The following CNST variants were observed in gnomAD, a reference collection of about 807,000 sequenced individuals.
CNST encodes the protein consortin.
Under a neutral mutation model 72.4 loss-of-function variants are expected in CNST, and 39 were observed. The ratio of observed to expected loss-of-function variants is 0.54; its 90% CI spans 0.42 to 0.70. CNST has a LOEUF of 0.70. Among genes scored for constraint, CNST ranks in the 30% least tolerant of loss-of-function variants. The pLI is 0.00. For synonymous variants in CNST, 332 were observed against 320.1 expected (o/e 1.04, Z -0.40); for missense variants, 871 against 868.5 (o/e 1.00, Z -0.04).
intron 6 of CNST, among the ~76,000 whole-genome samples, chr1:246,641,482 C>CT (rs1015164865): frequency 6.6e-6 from 1 of 152,100 alleles, no homozygotes; most frequent in African/African-American, 2.4e-5. Context: ...TGTCATTCTT[C>CT]TTTTTTTCTT....
intron 2 of CNST, chr1:246,607,690 C>T (rs1662977067): frequency 6.6e-6 from 1 of 152,074 alleles, no homozygotes. Flanking sequence ...TGTCTTCCGG[C>T]CAGCCCTCTT....
In CNST at chr1:246,624,451, G is replaced by T. The variant is rs532151772; in HGVS notation, c.585+2817G>T. 2.0e-4 allele frequency among the ~76,000 whole-genome samples: 30 copies of T among 152,310 alleles called. No homozygotes were observed. The South Asian group carries it at 6.2e-3, about 32-fold the overall frequency. ...TAAAAGCACTTAACATATGTTTGAC[G>T]TACAGTAAAAGCCAAAGAAATATTA... On this transcript the variant is annotated intron_variant, in intron 3 of 10. Coordinates refer to ENST00000366513, the MANE Select transcript of CNST (RefSeq NM_152609.3).
chr1:246,615,016 T>G (rs1176294270), intron 2 of CNST, among the ~76,000 whole-genome samples: 1 of 152,188 alleles, frequency 6.6e-6, no homozygotes, highest in Admixed American at 6.5e-5. Context: ...ACTATATTGT[T>G]TCACAAAATG....
At chr1:246,623,862 G>A (rs1232261199) in intron 3 of CNST, among the ~76,000 whole-genome samples, 1 of 144,058 alleles carries the variant, frequency 6.9e-6, no homozygotes, top group Non-Finnish European at 1.5e-5. Flanking sequence ...AGGAGTTCAA[G>A]TCTAGCCTAG....
intron 1 of CNST, among the ~76,000 whole-genome samples, chr1:246,567,479 A>C (rs577594836): frequency 6.6e-6 from 1 of 152,294 alleles, no homozygotes; most frequent in Non-Finnish European, 1.5e-5. Flanking sequence ...ACGGCAGCCA[A>C]TCAACTCCGT....
chr1:246,616,606 G>A (rs913769896), intron 2 of CNST, among the ~76,000 whole-genome samples: 5 of 152,052 alleles, frequency 3.3e-5, no homozygotes, highest in Non-Finnish European at 7.4e-5. Context: ...CCAGGCTGGA[G>A]TGCAGTGGCC....
chr1:246,608,916 C>T (rs1331940857), intron 2 of CNST, among the ~76,000 whole-genome samples: 3 of 152,176 alleles, frequency 2.0e-5, no homozygotes, highest in African/African-American at 4.8e-5. Context: ...GTACGTTGTA[C>T]GTCACCTTAT....
At chr1:246,632,959 G>C (rs1311434767) in intron 4 of CNST, among the ~76,000 whole-genome samples, 1 of 152,148 alleles carries the variant, frequency 6.6e-6, no homozygotes, top group Admixed American at 6.5e-5. Context: ...AGAAAGTAAG[G>C]AGAGAAATAA....
chr1:246,574,972 T>TTTTATTTATTTATTTATTTATTTATTTA (rs150720392), intron 1 of CNST, among the ~76,000 whole-genome samples: 1 of 143,586 alleles, frequency 7.0e-6, no homozygotes, highest in Non-Finnish European at 1.5e-5. Flanking sequence ...TCCTCAAGTA[T>TTTTATTTATTTATTTATTTATTTATTTA]TTTATTTATT....
intron 4 of CNST, among the ~76,000 whole-genome samples, chr1:246,633,610 G>A (rs1474740581): frequency 1.3e-5 from 2 of 152,036 alleles, no homozygotes; most frequent in African/African-American, 2.4e-5. Context: ...AGGCGCAGTG[G>A]TAGGCGCCTG....
rs1178595661 is a variant in CNST, at chr1:246,648,054, G to A, written c.1836+17G>A. 1 of 1,574,508 alleles carries A rather than the reference G, an allele frequency of 6.4e-7. No individual in the cohort carries two copies. Among genetic ancestry groups the A allele is most frequent in the Non-Finnish European group, 8.6e-7 (1 of 1,163,720 alleles). ...ATTGCAGAGGTAAATCAGAGATGAA[G>A]TACAATTAAAAGTAAAATGGCATTT... On this transcript the variant is annotated intron_variant, in intron 9 of 10. Transcript: ENST00000366513.
Position 246,639,561 on chromosome 1 carries a change from T to G in CNST, c.819-2188T>G, listed in dbSNP as rs376460077. Among the ~76,000 whole-genome samples, 5 of 152,218 alleles carry G rather than the reference T, an allele frequency of 3.3e-5. No homozygotes were observed. The East Asian group carries it at 9.7e-4, about 29-fold the overall frequency. ...TAGGGGAGACCCGATACCCCCACTC[T>G]GCCAAGAAATTTAAAAGACAGATAG... is the stretch of plus-strand genomic sequence containing the variant. On this transcript the variant is annotated intron_variant, in intron 6 of 10. Transcript: ENST00000366513.
intron 1 of CNST, among the ~76,000 whole-genome samples, chr1:246,579,686 C>T (rs1660661634): frequency 1.3e-5 from 2 of 152,212 alleles, no homozygotes; most frequent in South Asian, 2.1e-4. Flanking sequence ...ACCTGGGAGG[C>T]GGAGGTTGCA....
intron 8 of CNST, among the ~76,000 whole-genome samples, 158 bp from the exon 9 acceptor site, chr1:246,646,981 A>G (rs1389681833): frequency 1.3e-5 from 2 of 152,186 alleles, no homozygotes; most frequent in African/African-American, 4.8e-5. Flanking sequence ...TATTTTGGGT[A>G]TTTCCTCTAC....
intron 3 of CNST, 57 bp downstream of exon 3, chr1:246,621,691 G>A: frequency 7.0e-7 from 1 of 1,436,902 alleles, no homozygotes; most frequent in Non-Finnish European, 9.8e-7. Context: ...GCAGTGTTTG[G>A]AATGATCTAA....
At chr1:246,662,542 C>T (rs1035036331) in intron 10 of CNST, among the ~76,000 whole-genome samples, 4 of 152,124 alleles carry the variant, frequency 2.6e-5, no homozygotes, top group Non-Finnish European at 4.4e-5. Context: ...GCATGTTCCC[C>T]GACGCCTGGC....
chr1:246,594,966 A>G (rs1053383788), intron 2 of CNST, among the ~76,000 whole-genome samples: 3 of 152,198 alleles, frequency 2.0e-5, no homozygotes, highest in Non-Finnish European at 2.9e-5. Context: ...GGTATACTCT[A>G]TACTTGAATA....
intron 2 of CNST, among the ~76,000 whole-genome samples, chr1:246,593,361 C>T (rs1183974906): frequency 1.3e-5 from 2 of 150,186 alleles, no homozygotes; most frequent in African/African-American, 4.9e-5. Context: ...CTCACTCTGT[C>T]ACCCAGTATG....
At chr1:246,639,230 G>C (rs1304735599) in intron 6 of CNST, among the ~76,000 whole-genome samples, 1 of 152,096 alleles carries the variant, frequency 6.6e-6, no homozygotes, top group East Asian at 1.9e-4. Context: ...GGGAGAGTGA[G>C]AACGGGGGCT....
Sources: gnomAD v4.1 joint callset for allele counts (sites outside exome capture counted in the v4.1 genomes callset) on GRCh38, gnomAD v4.1.1 for gene constraint, MANE v1.5 for transcripts, NCBI Gene and HGNC (gene_info 2026-07-23, HGNC 2026-07-21) for gene names.